The following ZFAND1 variants were observed in gnomAD, a reference collection of about 807,000 sequenced individuals.
The protein encoded by ZFAND1 is AN1-type zinc finger protein 1.
A neutral mutation model predicts 38.5 loss-of-function variants in ZFAND1; 40 were observed. The observed-to-expected ratio is 1.04, with a 90% confidence interval of 0.81 to 1.35. The LOEUF (loss-of-function observed/expected upper bound fraction) is 1.35, where lower values mean the gene tolerates loss of function less well. Ranked by LOEUF, ZFAND1 falls within the 40% of genes most tolerant of loss-of-function variation. The probability of loss-of-function intolerance (pLI) is 0.00; values close to 1 mark genes in which losing one functional copy is unlikely to be tolerated. For synonymous variants in ZFAND1, 117 were observed against 103.6 expected (o/e 1.13, Z -0.78); for missense variants, 346 against 316.3 (o/e 1.09, Z -0.71).
chr8:81,704,691 C>CACAATTAT (rs1807921720), intron 6 of ZFAND1, among the ~76,000 whole-genome samples: 1 of 152,146 alleles, frequency 6.6e-6, no homozygotes, highest in African/African-American at 2.4e-5. Context: ...ACAGGAGCAT[C>CACAATTAT]TCTAACTTGT....
intron 6 of ZFAND1, among the ~76,000 whole-genome samples, chr8:81,704,935 A>G (rs574067888): frequency 1.3e-5 from 2 of 150,566 alleles, no homozygotes; most frequent in Admixed American, 6.6e-5. Flanking sequence ...GAGAAAATTG[A>G]TAAGATATAG....
chr8:81,719,747 C>T (rs1808418775), intron 1 of ZFAND1, among the ~76,000 whole-genome samples: 1 of 152,072 alleles, frequency 6.6e-6, no homozygotes, highest in Non-Finnish European at 1.5e-5. Context: ...CCACTAGTCC[C>T]AAACAGATAG....
chr8:81,717,493 AAT>A (rs1409320099), intron 2 of ZFAND1, among the ~76,000 whole-genome samples: 6 of 152,182 alleles, frequency 3.9e-5, no homozygotes, highest in African/African-American at 1.2e-4. Context: ...GTTCAACTTC[AAT>A]ATGAGTAAAA....
intron 1 of ZFAND1, among the ~76,000 whole-genome samples, chr8:81,718,954 C>T (rs1808390789): frequency 2.0e-5 from 3 of 151,682 alleles, no homozygotes; most frequent in Admixed American, 2.0e-4. Context: ...GATACAGAGA[C>T]AGATATAAAG....
chr8:81,710,624 A>G (rs960278925), intron 6 of ZFAND1, among the ~76,000 whole-genome samples: 3 of 152,218 alleles, frequency 2.0e-5, no homozygotes, highest in Non-Finnish European at 2.9e-5. Flanking sequence ...TATGCTGCTT[A>G]CAAGAGACAC....
At chr8:81,716,693 A>G (rs1384773526) in intron 3 of ZFAND1, among the ~76,000 whole-genome samples, 1 of 152,228 alleles carries the variant, frequency 6.6e-6, no homozygotes, top group African/African-American at 2.4e-5. Context: ...TAACACCTGT[A>G]ACCCCAACAC....
At chr8:81,719,670 C>CA (rs1389593069) in intron 1 of ZFAND1, among the ~76,000 whole-genome samples, 1 of 152,158 alleles carries the variant, frequency 6.6e-6, no homozygotes, top group Non-Finnish European at 1.5e-5. Context: ...TACCATCCTT[C>CA]AATCCCTCCA....
intron 3 of ZFAND1, among the ~76,000 whole-genome samples, chr8:81,716,840 G>C (rs949309453): frequency 6.6e-6 from 1 of 152,004 alleles, no homozygotes; most frequent in Non-Finnish European, 1.5e-5. Context: ...CCAGCTATTC[G>C]GGAGGCTGAG....
At chr8:81,717,006 G>T (rs1808335968) in intron 3 of ZFAND1, among the ~76,000 whole-genome samples, 1 of 152,014 alleles carries the variant, frequency 6.6e-6, no homozygotes, top group African/African-American at 2.4e-5. Flanking sequence ...CTGTAAGTGG[G>T]CTACCTAAAC....
chr8:81,712,965 G>T (rs77543561), intron 6 of ZFAND1, among the ~76,000 whole-genome samples: 2,298 of 152,252 alleles, frequency 0.015, 52 homozygotes, highest in African/African-American at 0.052. Context: ...ACCATATCTA[G>T]TAAAGCTGAA....
chr8:81,704,995 G>C (rs182578307), intron 6 of ZFAND1, among the ~76,000 whole-genome samples: 209 of 152,158 alleles, frequency 1.4e-3, no homozygotes, highest in African/African-American at 4.1e-3. Flanking sequence ...GATCAAAAAT[G>C]AAACAGAAAT....
At position 81,718,242 on chromosome 8, in the gene ZFAND1, T is replaced by G. The variant is rs1428825957; in HGVS notation, c.56-18A>C. ...AAGAAAATCTAAAATTGAGAGAAAA[T>G]GTATATACTGGTCAGTATCTGATTT... On this transcript the variant is annotated intron_variant, in intron 1 of 7. Coordinates refer to ENST00000220669, the MANE Select transcript of ZFAND1 (RefSeq NM_024699.3). 1 of 1,548,696 alleles carries G rather than the reference T, an allele frequency of 6.5e-7. No homozygotes were observed. The highest frequency in any genetic ancestry group is 8.7e-7 in the Non-Finnish European group (1 of 1,143,522).
intron 6 of ZFAND1, among the ~76,000 whole-genome samples, chr8:81,704,394 T>C (rs930017378): frequency 1.7e-4 from 26 of 151,998 alleles, no homozygotes; most frequent in African/African-American, 6.0e-4. Context: ...AAAAATTAGC[T>C]GGGTATAGTG....
intron 3 of ZFAND1, among the ~76,000 whole-genome samples, chr8:81,716,947 C>CAAACA (rs887843972): frequency 8.6e-5 from 13 of 152,042 alleles, no homozygotes; most frequent in Non-Finnish European, 1.6e-4. Context: ...AACTCCATCT[C>CAAACA]AAACAAAACA....
chr8:81,702,812 A>G lies in ZFAND1; in HGVS notation c.690T>C (p.Thr230=), dbSNP rs780456491. The G allele has an allele frequency of 6.2e-7, 1 of 1,609,464 alleles. No individual in the cohort carries two copies. The highest frequency in any genetic ancestry group is 8.5e-7 in the Non-Finnish European group (1 of 1,178,274). ...CCTCCTTAGCAATCCAGGTTTCCAAAGTATGATCCAAGGGTAAGGCTTCTC... is the reference window on the plus strand; with the variant it reads ...CCTCCTTAGCAATCCAGGTTTCCAAGGTATGATCCAAGGGTAAGGCTTCTC... ...TSGEALPLDH[T]LETWIAKEDC... is the part of the protein sequence containing the mutation. Residue 230 remains threonine (T), a synonymous_variant, in exon 8 of 8, where the codon ACT becomes ACC. Coordinates refer to ENST00000220669, the MANE Select transcript of ZFAND1 (RefSeq NM_024699.3).
At chr8:81,706,156 G>C (rs939761526) in intron 6 of ZFAND1, among the ~76,000 whole-genome samples, 1 of 151,984 alleles carries the variant, frequency 6.6e-6, no homozygotes, top group Non-Finnish European at 1.5e-5. Context: ...ATTACTCATA[G>C]AGTAAGACTG....
At chr8:81,705,482 A>G (rs1807949881) in intron 6 of ZFAND1, among the ~76,000 whole-genome samples, 1 of 152,232 alleles carries the variant, frequency 6.6e-6, no homozygotes, top group Admixed American at 6.5e-5. Flanking sequence ...AAGTCAAAAA[A>G]TGAAAATTAA....
intron 1 of ZFAND1, 111 bp from the exon 2 acceptor site, chr8:81,718,335 G>C: frequency 2.6e-6 from 2 of 758,774 alleles, no homozygotes; most frequent in South Asian, 4.8e-5. Context: ...TAATATCCTA[G>C]TGTAGCAAGC....
chr8:81,714,803 C>A lies in ZFAND1; in HGVS notation c.358+1G>T. On this transcript the variant is annotated splice_donor_variant, in intron 5 of 7. Transcript: ENST00000220669. LOFTEE classifies it high-confidence loss of function. ...ACAAAACACGCTTTCTAGATACTTA[C>A]CAATAATGTCTTTAACAAGTTTCTG... 2 of 1,613,722 alleles carry A rather than the reference C, an allele frequency of 1.2e-6. No individual in the cohort carries two copies. The highest frequency in any genetic ancestry group is 1.7e-6 in the Non-Finnish European group (2 of 1,179,692).
Sources: gnomAD v4.1 joint callset for allele counts (sites outside exome capture counted in the v4.1 genomes callset) on GRCh38, gnomAD v4.1.1 for gene constraint, MANE v1.5 for transcripts, NCBI Gene and HGNC (gene_info 2026-07-23, HGNC 2026-07-21) for gene names.